Variants in LRFN5 observed in about 807,000 individuals in gnomAD.
LRFN5 encodes leucine-rich repeat and fibronectin type-III domain-containing protein 5.
Under a neutral mutation model 45.6 loss-of-function variants are expected in LRFN5, and 24 were observed. That is an observed-to-expected ratio of 0.53 (90% CI 0.38 to 0.74). LRFN5 has a LOEUF of 0.74. Among genes scored for constraint, LRFN5 ranks in the 30% least tolerant of loss-of-function variants. LRFN5 has a pLI of 0.00. For missense variants in LRFN5, 776 were observed against 861.5 expected (o/e 0.90, Z 1.24); for synonymous variants, 340 against 313.8 (o/e 1.08, Z -0.88).
At chr14:41,767,718 A>C (rs1373806916) in intron 2 of LRFN5, among the ~76,000 whole-genome samples, 1 of 152,228 alleles carries the variant, frequency 6.6e-6, no homozygotes, top group Non-Finnish European at 1.5e-5. Context: ...ACCACAAAAC[A>C]AATTCCCAGC....
chr14:41,746,263 C>T (rs1396184438), intron 1 of LRFN5, among the ~76,000 whole-genome samples: 1 of 151,956 alleles, frequency 6.6e-6, no homozygotes, highest in Non-Finnish European at 1.5e-5. Flanking sequence ...ACACGATTAT[C>T]TCAATTAATG....
chr14:41,610,671 A>T (rs1328304723), intron 1 of LRFN5, among the ~76,000 whole-genome samples: 1 of 147,882 alleles, frequency 6.8e-6, no homozygotes, highest in Admixed American at 6.7e-5. Flanking sequence ...TAAAAAAAAA[A>T]AAAAAAAAAA....
chr14:41,712,191 G>T (rs1883312581), intron 1 of LRFN5, among the ~76,000 whole-genome samples: 1 of 152,068 alleles, frequency 6.6e-6, no homozygotes, highest in South Asian at 2.1e-4. Flanking sequence ...AAACAGATCA[G>T]GTACATCTCT....
intron 1 of LRFN5, among the ~76,000 whole-genome samples, chr14:41,724,785 T>C (rs1213443464): frequency 6.6e-6 from 1 of 152,228 alleles, no homozygotes; most frequent in Non-Finnish European, 1.5e-5. Flanking sequence ...CAACCCGCCC[T>C]TATGAGAATC....
intron 1 of LRFN5, among the ~76,000 whole-genome samples, chr14:41,674,599 G>A (rs1881493533): frequency 1.4e-5 from 2 of 147,176 alleles, no homozygotes; most frequent in Non-Finnish European, 1.5e-5. Flanking sequence ...GGCCGGGCAG[G>A]GGGCTGACCC....
chr14:41,639,295 C>T (rs1222015371), intron 1 of LRFN5, among the ~76,000 whole-genome samples: 1 of 152,038 alleles, frequency 6.6e-6, no homozygotes, highest in Non-Finnish European at 1.5e-5. Context: ...GATAAATACT[C>T]TAATTTAGAA....
Position 41,894,976 on chromosome 14 carries a change from ATTATT to A in LRFN5, c.2098+3017_2098+3021del, listed in dbSNP as rs1232900181. 6.2e-6 allele frequency: 6 copies of A among 975,216 alleles called. No individual in the cohort carries two copies. The African/African-American group carries it at 7.0e-5, about 11-fold the overall frequency. The allele number at this position is 975,216 out of a possible 1,614,324, so 60.4% of individuals were successfully genotyped here. A position where few individuals can be genotyped will look rare whatever the true frequency, so the allele number is the denominator to read the frequency against. On this transcript the variant is annotated intron_variant, in intron 4 of 5. Transcript: ENST00000298119. Reference sequence around the variant, plus strand: ...ATATGAAGATTATATATACATATATATTATTTTTGCTTCCTCGTTCTTATTTTTCT... The same window carrying A: ...ATATGAAGATTATATATACATATATATTTGCTTCCTCGTTCTTATTTTTCT...
chr14:41,887,647 C>A lies in LRFN5; in HGVS notation c.1022C>A (p.Thr341Lys), dbSNP rs769136851. ...ATRSLVYDNG[T>K]LDILITTVKD... ...AGATCTCTGGTGTATGATAACGGAA[C>A]ACTTGACATTCTTATCACAACTGTA... Residue 341 changes from threonine to lysine, a missense_variant, in exon 3 of 6, where the codon ACA becomes AAA. By Grantham distance (78) the Thr-to-Lys change is moderately conservative. This residue lies in a region of LRFN5 where 465 missense variants were observed against 456.4 expected (regional missense o/e 1.02). Coordinates refer to ENST00000298119, the MANE Select transcript of LRFN5 (RefSeq NM_152447.5). This position sits in a 1 kb window ranked among gnomAD's most constrained non-coding sequence, Gnocchi z 4.8. 2 of 1,614,196 alleles carry A rather than the reference C, an allele frequency of 1.2e-6. No homozygotes were observed. Among genetic ancestry groups the A allele is most frequent in the South Asian group, 2.2e-5 (2 of 91,086 alleles).
intron 1 of LRFN5, among the ~76,000 whole-genome samples, chr14:41,687,870 C>A (rs185206897): frequency 1.3e-5 from 2 of 152,264 alleles, no homozygotes; most frequent in African/African-American, 4.8e-5. Context: ...ATGCAGCAAA[C>A]CACTAGAGCA....
At chr14:41,614,430 A>G (rs1279710407) in intron 1 of LRFN5, among the ~76,000 whole-genome samples, 1 of 152,160 alleles carries the variant, frequency 6.6e-6, no homozygotes, top group Non-Finnish European at 1.5e-5. Flanking sequence ...AATATCAGGC[A>G]CTTAAACAAT....
At chr14:41,765,007 T>C (rs1022690797) in intron 1 of LRFN5, among the ~76,000 whole-genome samples, 4 of 152,252 alleles carry the variant, frequency 2.6e-5, no homozygotes, top group African/African-American at 7.2e-5. Flanking sequence ...GATGGATTCA[T>C]GCTAGAAGAC....
chr14:41,880,156 T>C (rs1184723633), intron 2 of LRFN5, among the ~76,000 whole-genome samples: 2 of 151,678 alleles, frequency 1.3e-5, no homozygotes, highest in Admixed American at 6.6e-5. Context: ...CTCGATCTCC[T>C]GACCTCGTGA....
intron 2 of LRFN5, among the ~76,000 whole-genome samples, chr14:41,852,803 A>G (rs779513309): frequency 2.0e-5 from 3 of 151,936 alleles, no homozygotes; most frequent in Non-Finnish European, 4.4e-5. Flanking sequence ...AACTATCTGC[A>G]TGTTTTCTTT....
chr14:41,888,009 A>G lies in LRFN5; in HGVS notation c.1384A>G (p.Arg462Gly). 1 of 1,581,020 alleles carries G rather than the reference A, an allele frequency of 6.3e-7. No homozygotes were observed. The highest frequency in any genetic ancestry group is 8.6e-7 in the Non-Finnish European group (1 of 1,164,438). Residue 462 changes from arginine to glycine, a missense_variant and splice_region_variant, in exon 3 of 6, where the codon AGA becomes GGA. Arg to Gly is a moderately radical substitution (Grantham distance 125). Coordinates refer to ENST00000298119, the MANE Select transcript of LRFN5 (RefSeq NM_152447.5). ...TACTTATGATGACACCCTTGTTTAC[A>G]GGTAAGAAAAATTGAGCAAATTTGT... ...NGTYDDTLVY[R>G]MIPPTSKTFL...
intron 1 of LRFN5, among the ~76,000 whole-genome samples, chr14:41,728,024 A>G (rs1884008963): frequency 6.6e-6 from 1 of 152,146 alleles, no homozygotes; most frequent in South Asian, 2.1e-4. Flanking sequence ...CACTGCATTA[A>G]CATACACCCA....
At chr14:41,757,140 G>A (rs1445934465) in intron 1 of LRFN5, among the ~76,000 whole-genome samples, 25 of 152,160 alleles carry the variant, frequency 1.6e-4, no homozygotes, top group Non-Finnish European at 2.4e-4. Flanking sequence ...AGGAGTACCC[G>A]GCCGTGTGAG....
intron 1 of LRFN5, among the ~76,000 whole-genome samples, chr14:41,692,775 T>A (rs542162554): frequency 5.5e-4 from 84 of 152,306 alleles, no homozygotes; most frequent in South Asian, 2.1e-3. Flanking sequence ...GTGTGAATTG[T>A]GTTTTTTGTC....
chr14:41,756,070 G>C (rs1197077545), intron 1 of LRFN5, among the ~76,000 whole-genome samples: 4 of 152,178 alleles, frequency 2.6e-5, no homozygotes, highest in African/African-American at 9.6e-5. Context: ...AAATTCTTTT[G>C]TTTAAAAATG....
chr14:41,886,741 AG>A lies in LRFN5; in HGVS notation c.117del (p.Leu42PhefsTer33). 6.2e-7 allele frequency: 1 copy of A among 1,614,170 alleles called. No homozygotes were observed. The highest frequency in any genetic ancestry group is 8.5e-7 in the Non-Finnish European group (1 of 1,180,036). ...LSPNLATLCA[K>X]KGLLFVPPNI... ...CCTAATCTTGCAACCCTTTGTGCCAAGAAAGGGCTTTTATTTGTTCCACCAA... is the reference window on the plus strand; with the variant it reads ...CCTAATCTTGCAACCCTTTGTGCCAAAAAGGGCTTTTATTTGTTCCACCAA... On this transcript the variant is annotated frameshift_variant, in exon 3 of 6. Coordinates refer to ENST00000298119, the MANE Select transcript of LRFN5 (RefSeq NM_152447.5). LOFTEE classifies it high-confidence loss of function.
Sources: gnomAD v4.1 joint callset for allele counts (sites outside exome capture counted in the v4.1 genomes callset) on GRCh38, gnomAD v4.1.1 for gene constraint, gnomAD v4.1.1 regional missense constraint, Gnocchi (gnomAD v3.1) non-coding constraint, MANE v1.5 for transcripts, NCBI Gene and HGNC (gene_info 2026-07-23, HGNC 2026-07-21) for gene names.